FLI1: variants seen among roughly 807,000 people sequenced by gnomAD.
The protein encoded by FLI1 is Fli-1 proto-oncogene, ETS transcription factor, also known as Friend leukemia integration 1 transcription factor.
In FLI1, 13 loss-of-function variants were observed where a neutral mutation model predicts 53.1. The observed-to-expected ratio is 0.24, with a 90% CI of 0.16 to 0.39. FLI1 has a LOEUF of 0.39. Among genes scored for constraint, FLI1 ranks in the 10% least tolerant of loss-of-function variants. FLI1 has a pLI of 1.00. For missense variants in FLI1, 424 were observed against 600.5 expected (o/e 0.71, Z 3.07); for synonymous variants, 244 against 236.7 (o/e 1.03, Z -0.28).
chr11:128,750,364 C>T (rs1312667895), intron 1 of FLI1, among the ~76,000 whole-genome samples: 1 of 152,202 alleles, frequency 6.6e-6, no homozygotes, highest in Non-Finnish European at 1.5e-5. Context: ...TCTCAGGCCC[C>T]ATGTCTTGGG....
At chr11:128,698,969 A>G (rs1938206834) in intron 1 of FLI1, among the ~76,000 whole-genome samples, 1 of 152,220 alleles carries the variant, frequency 6.6e-6, no homozygotes, top group Non-Finnish European at 1.5e-5. Flanking sequence ...AACAGTCTCC[A>G]TTACAAGGAG....
chr11:128,780,842 C>T (rs1941893062), intron 4 of FLI1, among the ~76,000 whole-genome samples: 1 of 152,176 alleles, frequency 6.6e-6, no homozygotes, highest in South Asian at 2.1e-4. Context: ...TTTTCTTAGC[C>T]TCGAATACAT....
intron 1 of FLI1, among the ~76,000 whole-genome samples, chr11:128,715,407 G>T (rs1938967816): frequency 6.6e-6 from 1 of 152,118 alleles, no homozygotes; most frequent in African/African-American, 2.4e-5. Flanking sequence ...TGTCCAAATA[G>T]AAATGAATTG....
At chr11:128,691,927 A>G (rs1405463013), upstream of FLI1, 1 of 152,132 alleles carries the variant, frequency 6.6e-6, no homozygotes, top group Non-Finnish European at 1.5e-5. Context: ...CACCTGTGGG[A>G]TGCCATGAAC....
chr11:128,742,001 A>G (rs151174294), intron 1 of FLI1, among the ~76,000 whole-genome samples: 1 of 152,130 alleles, frequency 6.6e-6, no homozygotes. Flanking sequence ...TTGTTATTTC[A>G]TCTAAGCTTC....
At chr11:128,690,248 C>G (rs1010371311), upstream of FLI1, among the ~76,000 whole-genome samples, 1 of 152,210 alleles carries the variant, frequency 6.6e-6, no homozygotes, top group African/African-American at 2.4e-5. Flanking sequence ...CCCGCCCTCT[C>G]CTCCTCCCCC....
intron 5 of FLI1, among the ~76,000 whole-genome samples, chr11:128,785,467 G>GA (rs1426551153): frequency 6.6e-6 from 1 of 151,734 alleles, no homozygotes; most frequent in Non-Finnish European, 1.5e-5. Flanking sequence ...AACCAGGTTA[G>GA]AGGATTAGAC....
intron 5 of FLI1, among the ~76,000 whole-genome samples, chr11:128,803,301 A>T (rs2135911237): frequency 6.6e-6 from 1 of 152,234 alleles, no homozygotes; most frequent in African/African-American, 2.4e-5. Flanking sequence ...AACCTCCCTT[A>T]GTTCCCACCT....
intron 5 of FLI1, among the ~76,000 whole-genome samples, chr11:128,796,926 GATTGCGCC>G (rs1054141460): frequency 6.6e-6 from 1 of 152,236 alleles, no homozygotes; most frequent in Admixed American, 6.5e-5. Flanking sequence ...AGTGAGCCGA[GATTGCGCC>G]ATTGCACTCC....
At chr11:128,703,008 A>G (rs181208470) in intron 1 of FLI1, among the ~76,000 whole-genome samples, 4 of 152,360 alleles carry the variant, frequency 2.6e-5, no homozygotes, top group Non-Finnish European at 4.4e-5. Context: ...AAGACACACC[A>G]CTTAACAGAA....
At position 128,694,245 on chromosome 11, in the gene FLI1, G is replaced by A. The variant is rs766178380; in HGVS notation, c.-14G>A. On this transcript the variant is annotated 5_prime_UTR_variant, in exon 1 of 9. Coordinates refer to ENST00000527786, the MANE Select transcript of FLI1 (RefSeq NM_002017.5). ...GTGTGGAATATTGGGGGGCTCGGCT[G>A]CAGACTTGGCCAAATGGACGGGACT... is the stretch of plus-strand genomic sequence containing the variant. 4.0e-6 allele frequency: 6 copies of A among 1,488,214 alleles called. No individual in the cohort carries two copies. The highest frequency in any genetic ancestry group is 2.4e-5 in the Admixed American group (1 of 41,926). The allele number at this position is 1,488,214 out of a possible 1,614,324, so 92.2% of individuals were successfully genotyped here.
rs1487573019 is a variant in FLI1, at chr11:128,778,886, CAG to C, written c.590-3069_590-3068del. Among the ~76,000 whole-genome samples the C allele has an allele frequency of 2.6e-5, 4 of 152,290 alleles. No individual in the cohort carries two copies. In the East Asian group the frequency reaches 7.7e-4, roughly 29 times the overall value. ...CATCAGAACAAGTTCCTTAAGAAAA[CAG>C]AGCCTGGGGAACTAATGAAGTAGAA... On this transcript the variant is annotated intron_variant, in intron 4 of 8. Coordinates refer to ENST00000527786, the MANE Select transcript of FLI1 (RefSeq NM_002017.5).
At chr11:128,706,456 C>T (rs1938549038) in intron 1 of FLI1, among the ~76,000 whole-genome samples, 1 of 152,126 alleles carries the variant, frequency 6.6e-6, no homozygotes, top group Non-Finnish European at 1.5e-5. Flanking sequence ...TCATATCTCC[C>T]AAAGTACCTA....
chr11:128,761,301 C>T (rs894497724), intron 2 of FLI1, among the ~76,000 whole-genome samples: 4 of 152,202 alleles, frequency 2.6e-5, no homozygotes, highest in Admixed American at 2.6e-4. Context: ...CTCACCTTTT[C>T]AGAGGCCTCC....
chr11:128,688,055 C>A, intron 1 of FLI1, among the ~76,000 whole-genome samples: 1 of 152,192 alleles, frequency 6.6e-6, no homozygotes, highest in East Asian at 1.9e-4. Flanking sequence ...TCCCACCACT[C>A]GGAGTACCCG....
At chr11:128,792,846 G>A (rs1228716198) in intron 5 of FLI1, among the ~76,000 whole-genome samples, 1 of 152,214 alleles carries the variant, frequency 6.6e-6, no homozygotes, top group Non-Finnish European at 1.5e-5. Context: ...TCCAGGCACA[G>A]TGGCTCACAC....
rs368075028 is a variant in FLI1, at chr11:128,807,120, G to A, written c.722-60G>A. 98 of 1,088,786 alleles carry A rather than the reference G, an allele frequency of 9.0e-5. 1 individual carries two copies. The Middle Eastern group carries it at 2.9e-3, about 32-fold the overall frequency. The allele number at this position is 1,088,786 out of a possible 1,614,324, so 67.4% of individuals were successfully genotyped here. A position where few individuals can be genotyped will look rare whatever the true frequency, so the allele number is the denominator to read the frequency against. On this transcript the variant is annotated intron_variant, in intron 6 of 8. Coordinates refer to ENST00000527786, the MANE Select transcript of FLI1 (RefSeq NM_002017.5). ...AGTGAGAAAGCACATCTGTCAAGAC[G>A]TCTTGCTCCCCTCGGGGAGCTGGGT...
intron 1 of FLI1, among the ~76,000 whole-genome samples, chr11:128,714,710 C>CTTTTTTTT (rs11381734): frequency 8.2e-6 from 1 of 121,692 alleles, no homozygotes; most frequent in Non-Finnish European, 1.6e-5. Context: ...CTTGAAGGAC[C>CTTTTTTTT]TTTTTTTTTT....
chr11:128,762,544 T>A (rs575532359), intron 2 of FLI1, among the ~76,000 whole-genome samples: 10 of 152,262 alleles, frequency 6.6e-5, no homozygotes, highest in Non-Finnish European at 1.5e-4. Context: ...TTATTTATTA[T>A]GCTGAAATGA....
Sources: allele counts gnomAD v4.1 joint callset (sites outside exome capture counted in the v4.1 genomes callset), GRCh38; gene constraint gnomAD v4.1.1; transcripts MANE v1.5; gene names NCBI Gene and HGNC (gene_info 2026-07-23, HGNC 2026-07-21).